The following MDGA2 variants were observed in gnomAD, a reference collection of about 807,000 sequenced individuals.
The protein encoded by MDGA2 is MAM domain-containing glycosylphosphatidylinositol anchor protein 2.
Under a neutral mutation model 117.8 loss-of-function variants are expected in MDGA2, and 40 were observed. That is an observed-to-expected ratio of 0.34 (90% confidence interval 0.26 to 0.44). MDGA2 has a LOEUF of 0.44. Ranked by LOEUF, MDGA2 falls within the 20% of genes least tolerant of loss-of-function variation. The pLI, the probability that MDGA2 is intolerant of heterozygous loss-of-function variation, is 1.00. For missense variants in MDGA2, 1,123 were observed against 1,250.6 expected (o/e 0.90, Z 1.54); for synonymous variants, 452 against 439.0 (o/e 1.03, Z -0.37).
intron 1 of MDGA2, among the ~76,000 whole-genome samples, chr14:47,331,847 C>T (rs1416564609): frequency 1.3e-5 from 2 of 151,958 alleles, no homozygotes; most frequent in South Asian, 2.1e-4. Context: ...AAATCTCAAA[C>T]ATTTCAAAAA....
chr14:47,015,748 T>C (rs772120733), intron 8 of MDGA2, among the ~76,000 whole-genome samples: 41 of 152,058 alleles, frequency 2.7e-4, no homozygotes, highest in Non-Finnish European at 5.1e-4. Context: ...AACTAGGACT[T>C]TGGAAGTGAA....
intron 8 of MDGA2, among the ~76,000 whole-genome samples, chr14:47,001,229 A>G (rs2138488316): frequency 6.6e-6 from 1 of 152,204 alleles, no homozygotes; most frequent in African/African-American, 2.4e-5. Flanking sequence ...TGACGTACAA[A>G]TATAGACAAG....
intron 1 of MDGA2, among the ~76,000 whole-genome samples, chr14:47,666,466 G>A (rs76421085): frequency 6.6e-6 from 1 of 152,180 alleles, no homozygotes; most frequent in South Asian, 2.1e-4. Flanking sequence ...ATCTAGCTCA[G>A]GGTTTGTAAA....
At chr14:47,529,232 G>A (rs199623643) in intron 1 of MDGA2, among the ~76,000 whole-genome samples, 3 of 152,000 alleles carry the variant, frequency 2.0e-5, no homozygotes, top group Admixed American at 6.6e-5. Context: ...TAACTTTAGC[G>A]AGTTTATTTT....
intron 3 of MDGA2, among the ~76,000 whole-genome samples, chr14:47,188,616 A>C (rs997185860): frequency 2.0e-5 from 3 of 152,252 alleles, no homozygotes; most frequent in African/African-American, 7.2e-5. Context: ...ATTTTAAGCC[A>C]TAAAATTTTG....
At chr14:46,993,349 C>T (rs945208566) in intron 8 of MDGA2, among the ~76,000 whole-genome samples, 1 of 152,082 alleles carries the variant, frequency 6.6e-6, no homozygotes, top group African/African-American at 2.4e-5. Flanking sequence ...GTTTGGTTCT[C>T]AATTGTTCAT....
At chr14:47,300,662 T>A (rs1889246443) in intron 2 of MDGA2, among the ~76,000 whole-genome samples, 1 of 149,808 alleles carries the variant, frequency 6.7e-6, no homozygotes, top group Admixed American at 6.6e-5. Flanking sequence ...GATAATTTTT[T>A]AATTTTTTTT....
rs1887364562 is a variant in MDGA2, at chr14:47,249,266, C to A, written c.421-31071G>T. ...TCTCTTGACCTCGTGATCTGCCCGCCTCAGCCTCCCAAACTGCTGAGATTA... is the reference window on the plus strand; with the variant it reads ...TCTCTTGACCTCGTGATCTGCCCGCATCAGCCTCCCAAACTGCTGAGATTA... On this transcript the variant is annotated intron_variant, in intron 2 of 16. Coordinates refer to ENST00000399232, the MANE Select transcript of MDGA2 (RefSeq NM_001113498.3). 2.0e-5 allele frequency among the ~76,000 whole-genome samples: 3 copies of A among 152,112 alleles called. No individual in the cohort carries two copies. The South Asian group carries it at 6.2e-4, about 32-fold the overall frequency.
At chr14:47,145,911 A>G (rs563762855) in intron 3 of MDGA2, among the ~76,000 whole-genome samples, 7 of 152,240 alleles carry the variant, frequency 4.6e-5, no homozygotes, top group South Asian at 2.1e-4. Flanking sequence ...TCACCAATTC[A>G]TAATACATTC....
chr14:47,197,176 G>A (rs764996290), intron 3 of MDGA2, among the ~76,000 whole-genome samples: 1 of 152,054 alleles, frequency 6.6e-6, no homozygotes, highest in Non-Finnish European at 1.5e-5. Flanking sequence ...ATTTATAAAG[G>A]TTCATTGCTG....
chr14:47,602,066 T>A (rs1018165637), intron 1 of MDGA2, among the ~76,000 whole-genome samples: 1 of 152,200 alleles, frequency 6.6e-6, no homozygotes, highest in Non-Finnish European at 1.5e-5. Context: ...TACGCTACAT[T>A]ATTAACCTAA....
intron 1 of MDGA2, among the ~76,000 whole-genome samples, chr14:47,426,421 T>C (rs1481348976): frequency 6.6e-6 from 1 of 152,018 alleles, no homozygotes; most frequent in African/African-American, 2.4e-5. Context: ...CTTTCTTTTC[T>C]TTAAAGCACG....
intron 3 of MDGA2, among the ~76,000 whole-genome samples, chr14:47,187,322 A>G (rs1658823896): frequency 1.3e-5 from 2 of 152,044 alleles, no homozygotes; most frequent in African/African-American, 2.4e-5. Flanking sequence ...TTAAACTTTT[A>G]TAAGAGTTTT....
intron 7 of MDGA2, among the ~76,000 whole-genome samples, chr14:47,053,613 A>G (rs946871018): frequency 0.087 from 1,619 of 18,612 alleles, 55 homozygotes; most frequent in East Asian, 0.15. Flanking sequence ...ATATATATAT[A>G]TATATATATA....
chr14:47,029,329 G>A (rs1267758170), intron 8 of MDGA2, among the ~76,000 whole-genome samples: 1 of 151,894 alleles, frequency 6.6e-6, no homozygotes, highest in African/African-American at 2.4e-5. Flanking sequence ...GAGGAACATG[G>A]GTTTATCAAT....
At chr14:47,432,311 C>T (rs1006219245) in intron 1 of MDGA2, among the ~76,000 whole-genome samples, 30 of 152,088 alleles carry the variant, frequency 2.0e-4, no homozygotes, top group African/African-American at 7.0e-4. Context: ...GGGAATCTCA[C>T]ACTTATATGT....
intron 1 of MDGA2, among the ~76,000 whole-genome samples, chr14:47,540,701 C>T (rs1008395648): frequency 2.6e-5 from 4 of 151,562 alleles, no homozygotes; most frequent in African/African-American, 4.8e-5. Flanking sequence ...GCTAGGACCA[C>T]AGGTATGCAC....
intron 2 of MDGA2, among the ~76,000 whole-genome samples, chr14:47,275,858 G>C (rs1017220145): frequency 6.6e-6 from 1 of 152,122 alleles, no homozygotes; most frequent in Non-Finnish European, 1.5e-5. Flanking sequence ...AATGTAATGA[G>C]CCAAGGTCTA....
At chr14:46,970,761 T>C (rs1886231009) in intron 8 of MDGA2, among the ~76,000 whole-genome samples, 1 of 152,038 alleles carries the variant, frequency 6.6e-6, no homozygotes, top group South Asian at 2.1e-4. Context: ...GACAACCTGC[T>C]GAATGGGATA....
Sources: gnomAD v4.1 joint callset for allele counts (sites outside exome capture counted in the v4.1 genomes callset) on GRCh38, gnomAD v4.1.1 for gene constraint, MANE v1.5 for transcripts, NCBI Gene and HGNC (gene_info 2026-07-23, HGNC 2026-07-21) for gene names.